Variants in CD99L2 observed in about 807,000 individuals in gnomAD.
The protein encoded by CD99L2 is CD99 antigen-like protein 2.
CD99L2 carries 24 observed loss-of-function variants against 27.3 expected under a neutral mutation model. The observed-to-expected ratio is 0.88, with a 90% CI of 0.64 to 1.24. CD99L2 has a LOEUF of 1.24. Among genes scored for constraint, CD99L2 ranks in the 50% most tolerant of loss-of-function variants. CD99L2 has a pLI of 0.00. For missense variants in CD99L2, 255 were observed against 221.6 expected (o/e 1.15, Z -0.96); for synonymous variants, 97 against 87.9 (o/e 1.10, Z -0.58).
Position 150,890,904 on chromosome X carries a change from T to C in CD99L2, c.67+7618A>G, listed in dbSNP as rs1164934949. 4.4e-5 allele frequency among the ~76,000 whole-genome samples: 5 copies of C among 112,964 alleles called. No homozygotes were observed. The East Asian group carries it at 1.1e-3, about 25-fold the overall frequency. ...CATGGGCCATGCTCCAAAGCAGAAG[T>C]GCAGGCTCCCATCCCCTTGTAAAGC... On this transcript the variant is annotated intron_variant, in intron 1 of 10. Coordinates refer to ENST00000370377, the MANE Select transcript of CD99L2 (RefSeq NM_031462.4).
chrX:150,802,929 T>A (rs1408866442), intron 4 of CD99L2, among the ~76,000 whole-genome samples: 8 of 78,972 alleles, frequency 1.0e-4, no homozygotes, highest in Admixed American at 8.7e-4. Context: ...AGAGTCTCAC[T>A]TTGTCGCCCA....
chrX:150,795,002 T>C (rs2045769810), intron 6 of CD99L2, among the ~76,000 whole-genome samples: 1 of 112,605 alleles, frequency 8.9e-6, no homozygotes, highest in Non-Finnish European at 1.9e-5. Context: ...AGATGATGAG[T>C]ATTGATAAAC....
intron 1 of CD99L2, among the ~76,000 whole-genome samples, chrX:150,876,763 G>A (rs2047234408): frequency 8.9e-6 from 1 of 111,970 alleles, no homozygotes; most frequent in Non-Finnish European, 1.9e-5. Context: ...ATGCCACGGG[G>A]AAGAACAGGA....
At chrX:150,815,232 C>G (rs2046135322) in intron 3 of CD99L2, among the ~76,000 whole-genome samples, 1 of 112,026 alleles carries the variant, frequency 8.9e-6, no homozygotes, top group Admixed American at 9.5e-5. Context: ...ACAGTATACT[C>G]ACTGACTGTA....
At position 150,771,044 on chromosome X, in the gene CD99L2, G is replaced by C. The variant is rs781851533; in HGVS notation, c.656-675C>G. ...CATTCCCTCCCGCCAGCAAGGGCCA[G>C]TGTTCAAGTTCTTAGAGTGGACCCC... On this transcript the variant is annotated intron_variant, in intron 9 of 10. Coordinates refer to ENST00000370377, the MANE Select transcript of CD99L2 (RefSeq NM_031462.4). 2.0e-3 allele frequency among the ~76,000 whole-genome samples: 225 copies of C among 112,557 alleles called. 2 individuals carry two copies. The highest frequency in any genetic ancestry group is 7.0e-3 in the African/African-American group (218 of 31,021).
intron 1 of CD99L2, among the ~76,000 whole-genome samples, chrX:150,839,708 CACA>C (rs1189386861): frequency 9.3e-5 from 10 of 107,620 alleles, no homozygotes; most frequent in African/African-American, 1.4e-4. Context: ...TCTCAACAAC[CACA>C]ACAACAACAA....
intron 1 of CD99L2, among the ~76,000 whole-genome samples, chrX:150,880,423 C>T (rs945872979): frequency 1.8e-5 from 2 of 111,759 alleles, no homozygotes; most frequent in African/African-American, 6.5e-5. Flanking sequence ...GACAATATCA[C>T]GCTAAGTAAA....
At chrX:150,831,986 C>T (rs1370998418) in intron 1 of CD99L2, among the ~76,000 whole-genome samples, 1 of 111,930 alleles carries the variant, frequency 8.9e-6, no homozygotes, top group African/African-American at 3.2e-5. Flanking sequence ...CAACATTGAA[C>T]AGATCATCTA....
intron 7 of CD99L2, among the ~76,000 whole-genome samples, chrX:150,785,101 T>G (rs1603288702): frequency 9.1e-6 from 1 of 110,350 alleles, no homozygotes; most frequent in African/African-American, 3.3e-5. Flanking sequence ...CACTGGCATA[T>G]GTACCTACTG....
intron 1 of CD99L2, among the ~76,000 whole-genome samples, chrX:150,857,574 C>T (rs1307832125): frequency 2.7e-5 from 3 of 111,565 alleles, no homozygotes; most frequent in African/African-American, 6.5e-5. Flanking sequence ...GGGTATTCAT[C>T]GACACGAGAC....
At chrX:150,812,201 T>C (rs782764032) in intron 4 of CD99L2, among the ~76,000 whole-genome samples, 1 of 110,935 alleles carries the variant, frequency 9.0e-6, no homozygotes, top group African/African-American at 3.3e-5. Context: ...AAAGGAAAAA[T>C]TGACAAACTG....
chrX:150,854,905 C>A (rs1315997849), intron 1 of CD99L2, among the ~76,000 whole-genome samples: 1 of 110,650 alleles, frequency 9.0e-6, no homozygotes, highest in East Asian at 2.8e-4. Context: ...CCTGCTGCCC[C>A]CCCTCCCCCC....
intron 1 of CD99L2, among the ~76,000 whole-genome samples, chrX:150,863,129 T>C (rs1186390089): frequency 8.9e-6 from 1 of 112,463 alleles, no homozygotes; most frequent in Non-Finnish European, 1.9e-5. Flanking sequence ...TATGTTATTA[T>C]GCCTTTGCTA....
rs947656443 is a variant in CD99L2 at position 150,795,221 on chromosome X, T to C, written c.415A>G (p.Ile139Val). Reference sequence around the variant, plus strand: ...TGGGACTCACCTCCTCCTCCAGCAATTGGTTTCCTGCGGCCATCATCTCGA... The same window carrying C: ...TGGGACTCACCTCCTCCTCCAGCAACTGGTTTCCTGCGGCCATCATCTCGA... Reference protein sequence around the residue: ...NDRDDGRRKPIAGGGGFSDKD... With the variant: ...NDRDDGRRKPVAGGGGFSDKD... The change falls in exon 6 of 11, where the codon ATT becomes GTT. Residue 139 changes from isoleucine (I) to valine (V), a missense_variant. Physicochemically the swap from Ile to Val is conservative, Grantham distance 29. Transcript: ENST00000370377. 1.2e-5 allele frequency: 14 copies of C among 1,209,889 alleles called. No homozygotes were observed. Among genetic ancestry groups the C allele is most frequent in the South Asian group, 1.8e-5 (1 of 56,785 alleles).
chrX:150,891,961 G>A (rs1347506475), intron 1 of CD99L2, among the ~76,000 whole-genome samples: 2 of 111,425 alleles, frequency 1.8e-5, no homozygotes, highest in African/African-American at 6.5e-5. Flanking sequence ...TTGGGAGCTG[G>A]GTAATCCCAG....
At chrX:150,869,670 T>C (rs1236811058) in intron 1 of CD99L2, among the ~76,000 whole-genome samples, 1 of 112,074 alleles carries the variant, frequency 8.9e-6, no homozygotes, top group African/African-American at 3.2e-5. Context: ...TGTGTCACTG[T>C]TGCCAGCCAA....
rs1318205129 is a variant in CD99L2, at chrX:150,777,847, C to T, written c.497-365G>A. ...TGGGGGGTGGGGTGGGGTGCTGTGC[C>T]GGGACAGCCCGACTTTGAGTGCCAC... is the stretch of plus-strand genomic sequence containing the variant. On this transcript the variant is annotated intron_variant, in intron 7 of 10. Coordinates refer to ENST00000370377, the MANE Select transcript of CD99L2 (RefSeq NM_031462.4). Among the ~76,000 whole-genome samples, 7 of 112,050 alleles carry T rather than the reference C, an allele frequency of 6.2e-5. No homozygotes were observed. The South Asian group carries it at 1.1e-3, about 18-fold the overall frequency.
At position 150,898,664 on chromosome X, in the gene CD99L2, G is replaced by GGGA; in HGVS notation, c.-79_-77dup. ...CCCGAAGGGGAGGCCGAGGAGGAGC[G>GGGA]GGAGGAGGAGCCCCGCCGCCTCTGC... is the stretch of plus-strand genomic sequence containing the variant. On this transcript the variant is annotated 5_prime_UTR_variant, in exon 1 of 11. Transcript: ENST00000370377. 2 of 940,277 alleles carry GGGA rather than the reference G, an allele frequency of 2.1e-6. No homozygotes were observed. The highest frequency in any genetic ancestry group is 2.8e-6 in the Non-Finnish European group (2 of 718,600). The allele number at this position is 940,277 out of a possible 1,213,427, so 77.5% of individuals were successfully genotyped here. A position where few individuals can be genotyped will look rare whatever the true frequency, so the allele number is the denominator to read the frequency against.
intron 4 of CD99L2, among the ~76,000 whole-genome samples, chrX:150,798,925 A>AT (rs1279709322): frequency 1.4e-4 from 16 of 111,207 alleles, no homozygotes; most frequent in Non-Finnish European, 3.8e-5. Flanking sequence ...TAATTTTTGC[A>AT]TTTTTTGTAC....
Sources: allele counts gnomAD v4.1 joint callset (sites outside exome capture counted in the v4.1 genomes callset), GRCh38; gene constraint gnomAD v4.1.1; transcripts MANE v1.5; gene names NCBI Gene and HGNC (gene_info 2026-07-23, HGNC 2026-07-21).